The following CAMK2A variants were observed in gnomAD, a reference collection of about 807,000 sequenced individuals.
CAMK2A encodes the protein calcium/calmodulin-dependent protein kinase type II subunit alpha.
Under a neutral mutation model 79.2 loss-of-function variants are expected in CAMK2A, and 7 were observed. That is an observed-to-expected ratio of 0.09 (90% CI 0.05 to 0.17). The LOEUF (loss-of-function observed/expected upper bound fraction) is 0.17. Among genes scored for constraint, CAMK2A ranks in the 10% least tolerant of loss-of-function variants. The pLI is 1.00. For synonymous variants in CAMK2A, 242 were observed against 251.7 expected (o/e 0.96, Z 0.36); for missense variants, 214 against 646.4 (o/e 0.33, Z 7.25).
intron 2 of CAMK2A, among the ~76,000 whole-genome samples, chr5:150,268,043 T>G (rs1291637547): frequency 2.6e-5 from 4 of 151,860 alleles, no homozygotes; most frequent in African/African-American, 9.7e-5. Context: ...CAGGCTAATA[T>G]TTTGTATTTT....
intron 12 of CAMK2A, among the ~76,000 whole-genome samples, chr5:150,245,547 C>G (rs1755531708): frequency 6.6e-6 from 1 of 152,178 alleles, no homozygotes; most frequent in Admixed American, 6.5e-5. Context: ...CTGGCGGTGG[C>G]CAACCCGAGG....
rs1357784960 is a variant in CAMK2A, at chr5:150,219,611, T to C, written c.*3099A>G. ...AAGTTTGAGCAGTGTTCATTCAAGT[T>C]CACAGCCACATATTTTTAAAAAAGA... On this transcript the variant is annotated 3_prime_UTR_variant, in exon 19 of 19. Coordinates refer to ENST00000671881, the MANE Select transcript of CAMK2A (RefSeq NM_015981.4). 1 of 101,268 alleles carries C rather than the reference T, an allele frequency of 9.9e-6. No individual in the cohort carries two copies. Among genetic ancestry groups the C allele is most frequent in the Admixed American group, 1.5e-4 (1 of 6,560 alleles). The allele number at this position is 101,268 out of a possible 1,614,324, so 6.3% of individuals were successfully genotyped here. A position where few individuals can be genotyped will look rare whatever the true frequency, so the allele number is the denominator to read the frequency against.
At chr5:150,242,339 TAAG>T (rs1436929834) in intron 13 of CAMK2A, among the ~76,000 whole-genome samples, 2 of 152,184 alleles carry the variant, frequency 1.3e-5, no homozygotes, top group African/African-American at 4.8e-5. Context: ...AGCATGGTTC[TAAG>T]GTTAGCAAGG....
chr5:150,255,204 T>C (rs1162128317), intron 6 of CAMK2A, among the ~76,000 whole-genome samples: 1 of 152,206 alleles, frequency 6.6e-6, no homozygotes, highest in East Asian at 1.9e-4. Flanking sequence ...GCTGCAGCTA[T>C]AATGGGAACA....
At chr5:150,252,476 C>T (rs1755878952) in intron 7 of CAMK2A, among the ~76,000 whole-genome samples, 1 of 152,184 alleles carries the variant, frequency 6.6e-6, no homozygotes, top group South Asian at 2.1e-4. Context: ...GAGCTAAGCC[C>T]ACTCTGCACC....
At chr5:150,239,121 G>A (rs902295671) in intron 14 of CAMK2A, among the ~76,000 whole-genome samples, 2 of 152,118 alleles carry the variant, frequency 1.3e-5, no homozygotes, top group African/African-American at 4.8e-5. Flanking sequence ...GAGAGAGAGA[G>A]GGAGGCCCAG....
intron 1 of CAMK2A, among the ~76,000 whole-genome samples, chr5:150,281,051 A>G (rs577473681): frequency 7.9e-4 from 120 of 152,330 alleles, no homozygotes; most frequent in African/African-American, 2.8e-3. Context: ...GCCATTGACC[A>G]TCACCCAAAA....
Position 150,268,476 on chromosome 5 carries a change from T to C in CAMK2A, c.158-3461A>G, listed in dbSNP as rs145411732. Among the ~76,000 whole-genome samples, 166 of 152,320 alleles carry C rather than the reference T, an allele frequency of 1.1e-3. 1 individual carries two copies. The highest frequency in any genetic ancestry group is 6.8e-3 in the Middle Eastern group (2 of 294). On this transcript the variant is annotated intron_variant, in intron 2 of 18. Coordinates refer to ENST00000671881, the MANE Select transcript of CAMK2A (RefSeq NM_015981.4). ...ATTCCCTGGCTGCCTTTTCTAAGCA[T>C]GTCCCTCCTGCCACATCACGTCCCC... is the stretch of plus-strand genomic sequence containing the variant.
Position 150,223,986 on chromosome 5 carries a change from G to A in CAMK2A, c.1238-769C>T, listed in dbSNP as rs1007627461. On this transcript the variant is annotated intron_variant, in intron 17 of 18. Transcript: ENST00000671881. The surrounding 1 kb of genome is among the most constrained non-coding windows in gnomAD (Gnocchi z 4.1). ...GAATTGTGGAAACGTGGAGGAATAT[G>A]AAAATTGTAGAATCTTAGAACCTTG... Among the ~76,000 whole-genome samples the A allele has an allele frequency of 1.3e-5, 2 of 152,170 alleles. No individual in the cohort carries two copies. Among genetic ancestry groups the A allele is most frequent in the Admixed American group, 6.5e-5 (1 of 15,280 alleles).
At position 150,219,777 on chromosome 5, in the gene CAMK2A, T is replaced by C. The variant is rs1423528007; in HGVS notation, c.*2933A>G. 1.3e-5 allele frequency: 2 copies of C among 152,122 alleles called. No individual in the cohort carries two copies. The highest frequency in any genetic ancestry group is 2.4e-5 in the African/African-American group (1 of 41,276). 9.4% of individuals were successfully genotyped at this position (152,122 alleles called of 1,614,324 possible). On this transcript the variant is annotated 3_prime_UTR_variant, in exon 19 of 19. Coordinates refer to ENST00000671881, the MANE Select transcript of CAMK2A (RefSeq NM_015981.4). The stretch of plus-strand genomic sequence containing the variant: ...AGGCCTTGGGTCAGGATTCGCACCA[T>C]GGTGGGCACAAACCCAGGAGAACAC...
chr5:150,249,986 G>GCA (rs1279100052), intron 11 of CAMK2A, among the ~76,000 whole-genome samples: 3 of 152,162 alleles, frequency 2.0e-5, no homozygotes, highest in African/African-American at 7.2e-5. Context: ...CCCAGGCATG[G>GCA]CACTCACCAC....
intron 14 of CAMK2A, 113 bp downstream of exon 14, chr5:150,239,591 G>T: frequency 1.1e-6 from 1 of 919,852 alleles, no homozygotes; most frequent in Non-Finnish European, 1.8e-6. Context: ...TACCAAGCAC[G>T]CCCTGAGCAC....
At chr5:150,274,399 C>T (rs1756870578) in intron 1 of CAMK2A, among the ~76,000 whole-genome samples, 1 of 152,158 alleles carries the variant, frequency 6.6e-6, no homozygotes, top group African/African-American at 2.4e-5. Context: ...TAAATATTGG[C>T]ACCTATTCCA....
Position 150,251,729 on chromosome 5 carries a change from GA to G in CAMK2A, c.693+20del. 6.4e-7 allele frequency: 1 copy of G among 1,557,418 alleles called. No individual in the cohort carries two copies. Among genetic ancestry groups the G allele is most frequent in the Non-Finnish European group, 8.7e-7 (1 of 1,147,946 alleles). On this transcript the variant is annotated intron_variant, in intron 9 of 18. Transcript: ENST00000671881. ...AGGGCACCAGAGGATGATGGGAGCT[GA>G]AGAGAGGAGCGACACTCACATCATA...
chr5:150,227,631 G>A lies in CAMK2A; in HGVS notation c.1237+561C>T, dbSNP rs1485626140. Reference sequence around the variant, plus strand: ...AGCTCCTGGTTGCAAAGCTGCCAAGGTCTCTCCTGCAAAGGAGAGGCCCAG... The same window carrying A: ...AGCTCCTGGTTGCAAAGCTGCCAAGATCTCTCCTGCAAAGGAGAGGCCCAG... On this transcript the variant is annotated intron_variant, in intron 17 of 18. Coordinates refer to ENST00000671881, the MANE Select transcript of CAMK2A (RefSeq NM_015981.4). Among the ~76,000 whole-genome samples, 5 of 152,268 alleles carry A rather than the reference G, an allele frequency of 3.3e-5. No individual in the cohort carries two copies. In the East Asian group the frequency reaches 9.7e-4, roughly 29 times the overall value.
At chr5:150,272,167 G>A (rs1264934200) in intron 2 of CAMK2A, among the ~76,000 whole-genome samples, 2 of 152,156 alleles carry the variant, frequency 1.3e-5, no homozygotes, top group African/African-American at 4.8e-5. Flanking sequence ...TACTCTTGAA[G>A]TTTACAGCCC....
chr5:150,250,606 G>T, intron 10 of CAMK2A, 82 bp downstream of exon 10: 1 of 1,565,106 alleles, frequency 6.4e-7, no homozygotes, highest in Non-Finnish European at 8.7e-7. Context: ...CATGGGCCAG[G>T]GGAAGGGCCA....
Position 150,238,764 on chromosome 5 carries a change from C to T in CAMK2A, c.1018-16G>A. On this transcript the variant is annotated splice_polypyrimidine_tract_variant and intron_variant, in intron 14 of 18. Transcript: ENST00000671881. ...CTGAGGATTCCTGCCAAAGAGAATA[C>T]AGGAGATGGTGAGGCCTGCCTGGGA... 1 of 1,594,536 alleles carries T rather than the reference C, an allele frequency of 6.3e-7. No individual in the cohort carries two copies. Among genetic ancestry groups the T allele is most frequent in the South Asian group, 1.1e-5 (1 of 87,604 alleles).
intron 15 of CAMK2A, among the ~76,000 whole-genome samples, chr5:150,236,539 G>A (rs1406174868): frequency 2.0e-5 from 3 of 152,230 alleles, no homozygotes; most frequent in Non-Finnish European, 4.4e-5. Context: ...CAGAGAGGTT[G>A]AGTAAGTTGT....
Sources: gnomAD v4.1 joint callset for allele counts (sites outside exome capture counted in the v4.1 genomes callset) on GRCh38, gnomAD v4.1.1 for gene constraint, Gnocchi (gnomAD v3.1) non-coding constraint, MANE v1.5 for transcripts, NCBI Gene and HGNC (gene_info 2026-07-23, HGNC 2026-07-21) for gene names.